RIMS2: variants seen among roughly 807,000 people sequenced by gnomAD.
RIMS2 encodes regulating synaptic membrane exocytosis 2, also known as regulating synaptic membrane exocytosis protein 2.
In RIMS2, 59 loss-of-function variants were observed where a neutral mutation model predicts 174.4. That is an observed-to-expected ratio of 0.34 (90% CI 0.27 to 0.42). The LOEUF (loss-of-function observed/expected upper bound fraction) is 0.42, where lower values mean the gene tolerates loss of function less well. Among genes scored for constraint, RIMS2 ranks in the 10% least tolerant of loss-of-function variants. The pLI is 1.00. For synonymous variants in RIMS2, 606 were observed against 572.5 expected (o/e 1.06, Z -0.84); for missense variants, 1,620 against 1,666.3 (o/e 0.97, Z 0.48).
chr8:103,969,749 TTTTC>T (rs1332158319), intron 15 of RIMS2, among the ~76,000 whole-genome samples: 1 of 152,206 alleles, frequency 6.6e-6, no homozygotes, highest in African/African-American at 2.4e-5. Flanking sequence ...TATGTAATTT[TTTTC>T]TTTCTTTTTT....
chr8:104,205,510 T>TGTGC (rs777115088), intron 19 of RIMS2, among the ~76,000 whole-genome samples: 1 of 151,962 alleles, frequency 6.6e-6, no homozygotes, highest in African/African-American at 2.4e-5. Flanking sequence ...TGTGTGTGTG[T>TGTGC]GCGCGCACAT....
intron 16 of RIMS2, among the ~76,000 whole-genome samples, chr8:103,980,903 C>G (rs1596316495): frequency 6.6e-6 from 1 of 152,118 alleles, no homozygotes; most frequent in South Asian, 2.1e-4. Context: ...GCCACCTTAG[C>G]CACAGTAGAA....
intron 1 of RIMS2, among the ~76,000 whole-genome samples, chr8:103,544,438 G>A (rs967584911): frequency 6.6e-6 from 1 of 152,238 alleles, no homozygotes; most frequent in Non-Finnish European, 1.5e-5. Flanking sequence ...GTCAGTGCCT[G>A]CTAGAGCTTC....
chr8:104,090,251 T>G (rs1056262898), intron 19 of RIMS2, among the ~76,000 whole-genome samples: 1 of 151,734 alleles, frequency 6.6e-6, no homozygotes, highest in African/African-American at 2.4e-5. Flanking sequence ...TTTGCATATC[T>G]AAAATTTTAG....
At chr8:104,014,741 T>C (rs564661998) in intron 19 of RIMS2, 126 bp downstream of exon 21, 14 of 491,324 alleles carry the variant, frequency 2.8e-5, no homozygotes, top group Non-Finnish European at 3.6e-6. Context: ...CTGTATTTGA[T>C]AATAGTTATA....
intron 19 of RIMS2, among the ~76,000 whole-genome samples, chr8:104,225,104 G>T (rs559367901): frequency 3.3e-5 from 5 of 152,296 alleles, no homozygotes; most frequent in Admixed American, 6.5e-5. Context: ...GATCATAATT[G>T]TAGCTAAAAC....
intron 2 of RIMS2, among the ~76,000 whole-genome samples, chr8:103,719,888 G>C (rs66906001): frequency 0.18 from 26,780 of 152,108 alleles, 2,565 homozygotes; most frequent in African/African-American, 0.23. Context: ...GGCGTATCAT[G>C]TGTTTATAGA....
intron 19 of RIMS2, among the ~76,000 whole-genome samples, chr8:104,161,071 G>A (rs1166428154): frequency 6.6e-6 from 1 of 152,130 alleles, no homozygotes; most frequent in Admixed American, 6.5e-5. Context: ...AAGTTGTTAT[G>A]AGCACTTATA....
chr8:103,710,982 G>T (rs1356220019), intron 2 of RIMS2, among the ~76,000 whole-genome samples: 1 of 152,188 alleles, frequency 6.6e-6, no homozygotes, highest in Non-Finnish European at 1.5e-5. Context: ...AGTCTTGAAA[G>T]TGAGATAGTG....
At chr8:104,117,535 C>A (rs2098298126) in intron 19 of RIMS2, among the ~76,000 whole-genome samples, 1 of 151,930 alleles carries the variant, frequency 6.6e-6, no homozygotes, top group African/African-American at 2.4e-5. Context: ...GTGATGGTAT[C>A]TCTCTCTGTT....
intron 1 of RIMS2, among the ~76,000 whole-genome samples, chr8:103,664,669 CTG>C (rs1351171175): frequency 2.0e-5 from 3 of 152,176 alleles, no homozygotes; most frequent in African/African-American, 4.8e-5. Flanking sequence ...CACTTTTACA[CTG>C]TTGGTGGGAG....
chr8:104,014,421 A>T (rs576001896), intron 18 of RIMS2, 85 bp from the exon 21 acceptor site: 1 of 712,246 alleles, frequency 1.4e-6, no homozygotes, highest in African/African-American at 1.8e-5. Context: ...AATTGTATTT[A>T]TACAGCTATC....
At chr8:103,916,472 G>A (rs2076651614) in exon 8 of RIMS2, 9 of 1,610,572 alleles carry the variant, frequency 5.6e-6, no homozygotes, top group Non-Finnish European at 6.8e-6. Flanking sequence ...TTGAGGAAGT[G>A]TACAACATCA....
At chr8:103,630,104 A>G (rs2095874990) in intron 1 of RIMS2, among the ~76,000 whole-genome samples, 1 of 151,692 alleles carries the variant, frequency 6.6e-6, no homozygotes, top group South Asian at 2.1e-4. Flanking sequence ...AAAGAAATTC[A>G]GGCTGAGACA....
intron 3 of RIMS2, among the ~76,000 whole-genome samples, chr8:103,811,621 T>A (rs573597503): frequency 6.6e-6 from 1 of 152,108 alleles, no homozygotes; most frequent in Admixed American, 6.5e-5. Context: ...ATTTTTTGCA[T>A]TTTTAATAGA....
At chr8:103,600,564 C>A (rs1399005812) in intron 1 of RIMS2, among the ~76,000 whole-genome samples, 1 of 152,140 alleles carries the variant, frequency 6.6e-6, no homozygotes, top group Non-Finnish European at 1.5e-5. Context: ...AGCCACCATG[C>A]CTGGCTCACA....
At chr8:103,865,964 C>T (rs1018942686) in intron 3 of RIMS2, among the ~76,000 whole-genome samples, 1 of 152,162 alleles carries the variant, frequency 6.6e-6, no homozygotes, top group Non-Finnish European at 1.5e-5. Flanking sequence ...AATTATTTCA[C>T]TTGCCCTTCA....
At chr8:104,063,852 C>T (rs2097053313) in intron 19 of RIMS2, among the ~76,000 whole-genome samples, 1 of 152,160 alleles carries the variant, frequency 6.6e-6, no homozygotes, top group African/African-American at 2.4e-5. Flanking sequence ...TGCTCTAGGA[C>T]TCCAGGGGCA....
At chr8:103,927,488 G>T (rs1193169208) in intron 10 of RIMS2, among the ~76,000 whole-genome samples, 1 of 151,300 alleles carries the variant, frequency 6.6e-6, no homozygotes, top group Non-Finnish European at 1.5e-5. Context: ...TGTGTTTAAG[G>T]ATAAAATATG....
Sources: gnomAD v4.1 joint callset for allele counts (sites outside exome capture counted in the v4.1 genomes callset) on GRCh38, gnomAD v4.1.1 for gene constraint, MANE v1.5 for transcripts, NCBI Gene and HGNC (gene_info 2026-07-23, HGNC 2026-07-21) for gene names.